The following C19orf47 variants were observed in gnomAD, a reference collection of about 807,000 sequenced individuals.
The protein encoded by C19orf47 is chromosome 19 open reading frame 47.
In C19orf47, 18 loss-of-function variants were observed where a neutral mutation model predicts 32.3. That is an observed-to-expected ratio of 0.56 (90% CI 0.39 to 0.83). The LOEUF is 0.83. Among genes scored for constraint, C19orf47 ranks in the 40% least tolerant of loss-of-function variants. The pLI, the probability that C19orf47 is intolerant of heterozygous loss-of-function variation, is 0.00. For missense variants in C19orf47, 484 were observed against 531.6 expected (o/e 0.91, Z 0.88); for synonymous variants, 202 against 211.1 (o/e 0.96, Z 0.37).
In C19orf47 at chr19:40,321,753, G is replaced by A; in HGVS notation, c.*129C>T. 1 of 1,436,514 alleles carries A rather than the reference G, an allele frequency of 7.0e-7. No individual in the cohort carries two copies. Among genetic ancestry groups the A allele is most frequent in the Non-Finnish European group, 9.1e-7 (1 of 1,100,026 alleles). 89.0% of individuals were successfully genotyped at this position (1,436,514 alleles called of 1,614,324 possible). Reference sequence around the variant, plus strand: ...GTGATCCCCCGAATGCTCGGGCCTAGCTCTAGAGCCCGAGGGAGACAAGCT... The same window carrying A: ...GTGATCCCCCGAATGCTCGGGCCTAACTCTAGAGCCCGAGGGAGACAAGCT... On this transcript the variant is annotated 3_prime_UTR_variant, in exon 9 of 9. Coordinates refer to ENST00000683109, the MANE Select transcript of C19orf47 (RefSeq NM_001256441.2).
intron 1 of C19orf47, 127 bp from the exon 2 acceptor site, chr19:40,342,017 G>A (rs1445147563): frequency 1.3e-6 from 2 of 1,483,248 alleles, no homozygotes; most frequent in Non-Finnish European, 1.8e-6. Context: ...CCCAGGAATA[G>A]CCTGGAGCAG....
At chr19:40,296,567 C>T in the C19orf47 span, among the ~76,000 whole-genome samples, 1 of 152,066 alleles carries the variant, frequency 6.6e-6, no homozygotes, top group African/African-American at 2.4e-5. Context: ...CAGGCATGAG[C>T]CATTGTGCCT....
At chr19:40,303,198 A>T in the C19orf47 span, among the ~76,000 whole-genome samples, 1 of 151,400 alleles carries the variant, frequency 6.6e-6, no homozygotes, top group Non-Finnish European at 1.5e-5. Context: ...ATTGCACTCC[A>T]GCCTGGGCAA....
the C19orf47 span, among the ~76,000 whole-genome samples, chr19:40,293,997 G>GT: frequency 6.6e-6 from 1 of 152,046 alleles, no homozygotes; most frequent in Non-Finnish European, 1.5e-5. Context: ...GCACATGCCT[G>GT]TAATTCCAGC....
At chr19:40,338,164 T>C (rs997247165) in intron 2 of C19orf47, among the ~76,000 whole-genome samples, 6 of 151,384 alleles carry the variant, frequency 4.0e-5, no homozygotes, top group African/African-American at 1.5e-4. Flanking sequence ...CGTCTCAACC[T>C]CCTGGGCTCA....
intron 4 of C19orf47, 133 bp downstream of exon 4, chr19:40,335,977 C>T (rs1469895723): frequency 1.4e-6 from 1 of 728,858 alleles, no homozygotes; most frequent in East Asian, 2.7e-5. Context: ...CCCAGCGTCA[C>T]ACAGCAAATG....
chr19:40,326,505 G>C lies in C19orf47; in HGVS notation c.440-19C>G. The C allele has an allele frequency of 8.1e-6, 13 of 1,609,498 alleles. No homozygotes were observed. Among genetic ancestry groups the C allele is most frequent in the Non-Finnish European group, 1.0e-5 (12 of 1,179,664 alleles). On this transcript the variant is annotated intron_variant, in intron 6 of 8. Coordinates refer to ENST00000683109, the MANE Select transcript of C19orf47 (RefSeq NM_001256441.2). ...AGGGCTGCTGGGGGAAGAAAGCAGG[G>C]GTATCAGCACTCTCTGAGACAGAAC...
intron 1 of C19orf47, chr19:40,342,131 C>T (rs534051962): frequency 5.5e-4 from 472 of 861,304 alleles, no homozygotes; most frequent in Middle Eastern, 2.9e-3. Flanking sequence ...TCACACACAC[C>T]CCAAAAGGTT....
downstream of C19orf47, among the ~76,000 whole-genome samples, chr19:40,319,026 C>A (rs973241965): frequency 6.6e-5 from 10 of 152,112 alleles, 1 homozygote; most frequent in African/African-American, 2.4e-4. Context: ...AATCCCAGCA[C>A]TTTGGGAGGC....
intron 7 of C19orf47, 112 bp downstream of exon 7, chr19:40,326,222 C>A: frequency 6.9e-7 from 1 of 1,438,954 alleles, no homozygotes; most frequent in South Asian, 1.4e-5. Flanking sequence ...GCTCCTGCAT[C>A]CCCGTTAGAA....
Position 40,321,015 on chromosome 19 carries a change from T to G in C19orf47, c.*867A>C, listed in dbSNP as rs761726190. 1 of 161,046 alleles carries G rather than the reference T, an allele frequency of 6.2e-6. No homozygotes were observed. Among genetic ancestry groups the G allele is most frequent in the Non-Finnish European group, 1.3e-5 (1 of 74,652 alleles). 10.0% of individuals were successfully genotyped at this position (161,046 alleles called of 1,614,324 possible). On this transcript the variant is annotated 3_prime_UTR_variant, in exon 9 of 9. Transcript: ENST00000683109. ...CCACCATCCCCAGCCCAGCTGCGCA[T>G]AGTGTGAAACAGTCCTGCAACTCAC...
the C19orf47 span, among the ~76,000 whole-genome samples, chr19:40,298,040 A>C: frequency 1.1e-3 from 154 of 142,936 alleles, 1 homozygote; most frequent in Non-Finnish European, 2.0e-3. Context: ...ACTCTGTCTC[A>C]AAAAAAAAAA....
At chr19:40,304,969 C>A in the C19orf47 span, among the ~76,000 whole-genome samples, 1 of 152,118 alleles carries the variant, frequency 6.6e-6, no homozygotes, top group African/African-American at 2.4e-5. Flanking sequence ...TGGCTCATGC[C>A]TGTCATCCCA....
chr19:40,342,080 C>A (rs1159213293), intron 1 of C19orf47, 190 bp from the exon 2 acceptor site: 3 of 984,882 alleles, frequency 3.0e-6, no homozygotes, highest in African/African-American at 1.7e-5. Flanking sequence ...TCGCTTGTGC[C>A]TGAGACAAGG....
intron 4 of C19orf47, among the ~76,000 whole-genome samples, chr19:40,334,684 A>C (rs1408867533): frequency 2.0e-5 from 3 of 151,964 alleles, no homozygotes; most frequent in Non-Finnish European, 4.4e-5. Flanking sequence ...GGAGGTGGAG[A>C]CTGCAGTGAG....
At chr19:40,305,270 G>C in the C19orf47 span, among the ~76,000 whole-genome samples, 1 of 151,690 alleles carries the variant, frequency 6.6e-6, no homozygotes, top group Non-Finnish European at 1.5e-5. Context: ...TTGAACCTGG[G>C]AGGCAGAGGT....
At chr19:40,302,935 T>C in the C19orf47 span, among the ~76,000 whole-genome samples, 1 of 152,312 alleles carries the variant, frequency 6.6e-6, no homozygotes, top group African/African-American at 2.4e-5. Context: ...ACCACCTTCA[T>C]GCCTACCAAT....
the C19orf47 span, among the ~76,000 whole-genome samples, chr19:40,305,613 G>A: frequency 6.6e-6 from 1 of 152,074 alleles, no homozygotes; most frequent in African/African-American, 2.4e-5. Flanking sequence ...AACATTCACT[G>A]TCTAAAAGGA....
At chr19:40,332,824 C>T (rs1454332279) in intron 5 of C19orf47, among the ~76,000 whole-genome samples, 3 of 152,154 alleles carry the variant, frequency 2.0e-5, no homozygotes, top group East Asian at 1.9e-4. Context: ...GCTCCAGACA[C>T]GTTCCCAAAT....
Sources: gnomAD v4.1 joint callset for allele counts (sites outside exome capture counted in the v4.1 genomes callset) on GRCh38, gnomAD v4.1.1 for gene constraint, MANE v1.5 for transcripts, NCBI Gene and HGNC (gene_info 2026-07-23, HGNC 2026-07-21) for gene names.